The following RGS6 variants were observed in gnomAD, a reference collection of about 807,000 sequenced individuals.
The protein encoded by RGS6 is regulator of G protein signaling 6.
RGS6 carries 30 observed loss-of-function variants against 78.5 expected under a neutral mutation model. The observed-to-expected ratio is 0.38, with a 90% confidence interval of 0.29 to 0.52. The LOEUF is 0.52. Ranked by LOEUF, RGS6 falls within the 20% of genes least tolerant of loss-of-function variation. The pLI is 0.85. For missense variants in RGS6, 495 were observed against 609.7 expected (o/e 0.81, Z 1.98); for synonymous variants, 206 against 206.0 (o/e 1.00, Z 0.00).
the RGS6 span, among the ~76,000 whole-genome samples, chr14:72,589,619 T>A: frequency 3.9e-5 from 6 of 152,238 alleles, no homozygotes; most frequent in Non-Finnish European, 7.4e-5. Context: ...TCAAAAGCCT[T>A]TAAAATGTTC....
chr14:72,345,831 G>T (rs745581615), intron 2 of RGS6, among the ~76,000 whole-genome samples: 1 of 152,202 alleles, frequency 6.6e-6, no homozygotes, highest in African/African-American at 2.4e-5. Context: ...GTTGAAAATC[G>T]CAATGCATTG....
At chr14:72,336,539 G>GCA (rs2076069354) in intron 2 of RGS6, among the ~76,000 whole-genome samples, 2 of 148,618 alleles carry the variant, frequency 1.3e-5, no homozygotes, top group Non-Finnish European at 3.0e-5. Context: ...GAGAGAGCGC[G>GCA]CATAGGGAGA....
chr14:72,326,583 C>T (rs533755955), intron 2 of RGS6, among the ~76,000 whole-genome samples: 12 of 152,314 alleles, frequency 7.9e-5, no homozygotes, highest in African/African-American at 1.7e-4. Flanking sequence ...TTGCCTTCTG[C>T]GGTGACTGTA....
intron 3 of RGS6, among the ~76,000 whole-genome samples, chr14:72,411,332 A>T (rs1436898707): frequency 3.3e-5 from 5 of 152,226 alleles, no homozygotes; most frequent in Non-Finnish European, 7.3e-5. Context: ...CTTTGAAGCA[A>T]TTGTGAATGG....
intron 13 of RGS6, among the ~76,000 whole-genome samples, chr14:72,499,831 A>G (rs1433732573): frequency 1.3e-5 from 2 of 152,062 alleles, no homozygotes; most frequent in African/African-American, 2.4e-5. Flanking sequence ...GTGACCACCA[A>G]TCTAGAGTGG....
intron 2 of RGS6, among the ~76,000 whole-genome samples, chr14:72,110,235 A>G (rs763230380): frequency 1.3e-5 from 2 of 152,172 alleles, no homozygotes; most frequent in African/African-American, 2.4e-5. Flanking sequence ...CCTCATCTCT[A>G]GTTTACAGAG....
chr14:72,015,917 T>C (rs996289470), intron 2 of RGS6, among the ~76,000 whole-genome samples: 1 of 152,240 alleles, frequency 6.6e-6, no homozygotes, highest in African/African-American at 2.4e-5. Context: ...CATTGGCCTT[T>C]TTATTAATGA....
chr14:72,431,760 G>A (rs909273328), intron 3 of RGS6, among the ~76,000 whole-genome samples: 1 of 152,024 alleles, frequency 6.6e-6, no homozygotes, highest in Non-Finnish European at 1.5e-5. Flanking sequence ...GGCCCCCAAG[G>A]GATATGGACA....
intron 1 of RGS6, among the ~76,000 whole-genome samples, chr14:71,962,489 T>G (rs375894619): frequency 1.3e-5 from 2 of 152,236 alleles, no homozygotes; most frequent in South Asian, 2.1e-4. Flanking sequence ...AATTTTTGTT[T>G]TCATGCTCTG....
chr14:72,261,373 A>G (rs993345447), intron 2 of RGS6, among the ~76,000 whole-genome samples: 1 of 152,188 alleles, frequency 6.6e-6, no homozygotes. Flanking sequence ...TCCCTTCCCC[A>G]CTACAGGTCA....
intron 2 of RGS6, among the ~76,000 whole-genome samples, chr14:72,003,044 T>C (rs4902967): frequency 0.94 from 142,784 of 152,290 alleles, 67,032 homozygotes; most frequent in East Asian, 0.99. Context: ...TACTGCTGAC[T>C]GAAGATACAT....
intron 2 of RGS6, among the ~76,000 whole-genome samples, chr14:72,053,028 TC>T (rs1339764056): frequency 9.0e-5 from 1 of 11,118 alleles, no homozygotes; most frequent in Non-Finnish European, 1.8e-4. Context: ...TTTCTTTCTT[TC>T]CCCCTCCCTC....
At chr14:71,953,361 T>G (rs2092510361) in intron 1 of RGS6, among the ~76,000 whole-genome samples, 1 of 152,214 alleles carries the variant, frequency 6.6e-6, no homozygotes, top group Non-Finnish European at 1.5e-5. Flanking sequence ...TCTGCTGTTG[T>G]GGCACAGAAG....
chr14:71,927,663 C>CTT (rs550261245), upstream of RGS6, among the ~76,000 whole-genome samples: 86 of 143,742 alleles, frequency 6.0e-4, 1 homozygote, highest in African/African-American at 1.6e-3. Context: ...CTTTTTTTTT[C>CTT]TTTTTTTTTT....
At chr14:72,362,656 C>T (rs866760493) in intron 3 of RGS6, among the ~76,000 whole-genome samples, 1 of 152,184 alleles carries the variant, frequency 6.6e-6, no homozygotes, top group Non-Finnish European at 1.5e-5. Flanking sequence ...CCAAGCAGGA[C>T]AGGATAAAAA....
chr14:72,449,220 C>T (rs977537309), intron 3 of RGS6, among the ~76,000 whole-genome samples: 1 of 152,164 alleles, frequency 6.6e-6, no homozygotes, highest in African/African-American at 2.4e-5. Flanking sequence ...AAACATTTTA[C>T]TCAAAAGAAA....
chr14:72,025,694 T>A (rs1596276571), intron 2 of RGS6, among the ~76,000 whole-genome samples: 1 of 152,300 alleles, frequency 6.6e-6, no homozygotes, highest in East Asian at 1.9e-4. Context: ...ACATGATTAA[T>A]ATTTTTGACA....
the RGS6 span, among the ~76,000 whole-genome samples, chr14:71,873,884 T>G: frequency 7.2e-3 from 1,090 of 152,350 alleles, 23 homozygotes; most frequent in African/African-American, 0.025. Flanking sequence ...CCCAGCACCA[T>G]TTATTAAATT....
chr14:72,113,927 A>G (rs888287493), intron 2 of RGS6, among the ~76,000 whole-genome samples: 2 of 152,256 alleles, frequency 1.3e-5, no homozygotes, highest in African/African-American at 4.8e-5. Context: ...CTGCAAGTCC[A>G]TGAAAAAATT....
Sources: gnomAD v4.1 joint callset for allele counts (sites outside exome capture counted in the v4.1 genomes callset) on GRCh38, gnomAD v4.1.1 for gene constraint, MANE v1.5 for transcripts, NCBI Gene and HGNC (gene_info 2026-07-23, HGNC 2026-07-21) for gene names.